The following C9orf85 variants were observed in gnomAD, a reference collection of about 807,000 sequenced individuals.
The protein encoded by C9orf85 is chromosome 9 open reading frame 85, also known as uncharacterized protein C9orf85.
C9orf85 carries 16 observed loss-of-function variants against 14.9 expected under a neutral mutation model. The observed-to-expected ratio is 1.08, with a 90% CI of 0.73 to 1.63. The LOEUF (loss-of-function observed/expected upper bound fraction) is 1.63. Ranked by LOEUF, C9orf85 falls within the 40% of genes most tolerant of loss-of-function variation. The probability of loss-of-function intolerance (pLI) is 0.00; values close to 1 mark genes in which losing one functional copy is unlikely to be tolerated. For synonymous variants in C9orf85, 45 were observed against 56.8 expected, an observed-to-expected ratio of 0.79 and a Z score of 0.93; for missense variants, 172 against 186.1, an observed-to-expected ratio of 0.92 and a Z score of 0.44.
At chr9:71,931,707 A>G (rs190971347) in intron 1 of C9orf85, among the ~76,000 whole-genome samples, 83 of 152,308 alleles carry the variant, frequency 5.4e-4, no homozygotes, top group South Asian at 8.3e-4. Context: ...TTGTAAGGAA[A>G]TGATTTAATT....
In C9orf85 at chr9:71,936,770, C is replaced by CT. The variant is rs71353543; in HGVS notation, c.103-10217dup. Among the ~76,000 whole-genome samples, 882 of 89,126 alleles carry CT rather than the reference C, an allele frequency of 9.9e-3. 20 individuals carry two copies. Among genetic ancestry groups the CT allele is most frequent in the African/African-American group, 0.032 (817 of 25,796 alleles). 58.5% of individuals were successfully genotyped at this position (89,126 alleles called of 152,430 possible). A position where few individuals can be genotyped will look rare whatever the true frequency, so the allele number is the denominator to read the frequency against. On this transcript the variant is annotated intron_variant, in intron 1 of 3. Coordinates refer to ENST00000334731, the MANE Select transcript of C9orf85 (RefSeq NM_182505.5). ...TTCATACTAGAGTTCTTTGTTCAAG[C>CT]TTTTTTTTTTTTTTTTTTTGAGACA...
At chr9:71,924,754 A>C (rs1589247648) in intron 1 of C9orf85, among the ~76,000 whole-genome samples, 1 of 152,228 alleles carries the variant, frequency 6.6e-6, no homozygotes. Context: ...TATATTTGAC[A>C]TCATGGTATA....
chr9:71,912,286 A>T (rs1373018716), intron 1 of C9orf85, among the ~76,000 whole-genome samples: 1 of 152,138 alleles, frequency 6.6e-6, no homozygotes, highest in Non-Finnish European at 1.5e-5. Flanking sequence ...TGTCCTCACT[A>T]GTATTGTGTG....
At chr9:71,942,830 G>A (rs892874720) in intron 1 of C9orf85, among the ~76,000 whole-genome samples, 2 of 151,718 alleles carry the variant, frequency 1.3e-5, no homozygotes, top group Non-Finnish European at 2.9e-5. Flanking sequence ...TTGAACCTGG[G>A]AGACAGAGGT....
At chr9:71,922,639 T>C (rs1484798922) in intron 1 of C9orf85, among the ~76,000 whole-genome samples, 3 of 152,252 alleles carry the variant, frequency 2.0e-5, no homozygotes, top group African/African-American at 7.2e-5. Flanking sequence ...AGATGTGTAC[T>C]AAACTCCTAG....
intron 1 of C9orf85, among the ~76,000 whole-genome samples, chr9:71,929,772 C>T (rs1589250358): frequency 2.0e-5 from 3 of 151,218 alleles, no homozygotes; most frequent in African/African-American, 7.3e-5. Flanking sequence ...TGTGCTCTTC[C>T]AAGTAGTATA....
At chr9:71,948,936 G>A (rs919041714) in intron 2 of C9orf85, among the ~76,000 whole-genome samples, 4 of 151,694 alleles carry the variant, frequency 2.6e-5, no homozygotes, top group Non-Finnish European at 5.9e-5. Flanking sequence ...ATGCTTAGTG[G>A]CCCAAATTAG....
intron 1 of C9orf85, among the ~76,000 whole-genome samples, chr9:71,943,692 G>A (rs910513336): frequency 1.4e-4 from 21 of 151,718 alleles, no homozygotes; most frequent in African/African-American, 4.3e-4. Flanking sequence ...ACAGGCATGC[G>A]CCAGCACCCC....
At chr9:71,954,114 GAAAAAA>G (rs566793068) in intron 2 of C9orf85, among the ~76,000 whole-genome samples, 3 of 130,116 alleles carry the variant, frequency 2.3e-5, no homozygotes, top group Non-Finnish European at 1.6e-5. Flanking sequence ...CCCCAGCTTG[GAAAAAA>G]AAAAAAAAAA....
chr9:71,921,546 A>G (rs557801944), intron 1 of C9orf85, among the ~76,000 whole-genome samples: 1 of 152,350 alleles, frequency 6.6e-6, no homozygotes, highest in South Asian at 2.1e-4. Context: ...CCTTACATAC[A>G]GTGATTTATG....
intron 1 of C9orf85, among the ~76,000 whole-genome samples, chr9:71,920,577 T>C (rs535149034): frequency 2.0e-5 from 3 of 152,274 alleles, no homozygotes; most frequent in Admixed American, 1.3e-4. Flanking sequence ...GTGGCATTTG[T>C]TATTTTAAGC....
At chr9:71,918,628 C>A (rs1827715418) in intron 1 of C9orf85, 1 of 343,252 alleles carries the variant, frequency 2.9e-6, no homozygotes, top group Admixed American at 4.2e-5. Context: ...GTTCTGCCTC[C>A]TGTCAGATCA....
intron 1 of C9orf85, among the ~76,000 whole-genome samples, chr9:71,914,703 T>G (rs1029940103): frequency 3.3e-5 from 5 of 152,226 alleles, no homozygotes; most frequent in African/African-American, 1.2e-4. Context: ...TTGTGCCATT[T>G]CAAATGGCCA....
At chr9:71,970,049 A>G (rs956596090) in intron 2 of C9orf85, among the ~76,000 whole-genome samples, 2 of 152,018 alleles carry the variant, frequency 1.3e-5, no homozygotes, top group Non-Finnish European at 1.5e-5. Context: ...GGTTCAAGCA[A>G]TTCTCCTGCC....
intron 2 of C9orf85, among the ~76,000 whole-genome samples, chr9:71,947,384 G>A (rs1360252407): frequency 6.6e-6 from 1 of 152,128 alleles, no homozygotes; most frequent in African/African-American, 2.4e-5. Context: ...GGTTAGGGCT[G>A]AGAAGAGAGT....
chr9:71,938,850 A>AC (rs1491490626), intron 1 of C9orf85, among the ~76,000 whole-genome samples: 4 of 151,716 alleles, frequency 2.6e-5, no homozygotes, highest in African/African-American at 9.7e-5. Flanking sequence ...TTAAACTGTC[A>AC]AAGAGTAGAT....
chr9:71,916,919 A>G (rs181857314), intron 1 of C9orf85, among the ~76,000 whole-genome samples: 23 of 152,344 alleles, frequency 1.5e-4, no homozygotes, highest in Admixed American at 1.1e-3. Flanking sequence ...GGCACTATGT[A>G]TACTTGCTAT....
intron 1 of C9orf85, chr9:71,942,024 C>A (rs904118577): frequency 1.6e-4 from 24 of 152,172 alleles, no homozygotes; most frequent in African/African-American, 5.1e-4. Flanking sequence ...TTTGACATTT[C>A]TCATAATAGA....
chr9:71,934,513 A>G (rs1288980104), intron 1 of C9orf85, among the ~76,000 whole-genome samples: 2 of 152,210 alleles, frequency 1.3e-5, no homozygotes, highest in African/African-American at 4.8e-5. Flanking sequence ...AACAGAGTAG[A>G]AAGGCAGCTC....
Sources: gnomAD v4.1 joint callset for allele counts (sites outside exome capture counted in the v4.1 genomes callset) on GRCh38, gnomAD v4.1.1 for gene constraint, MANE v1.5 for transcripts, NCBI Gene and HGNC (gene_info 2026-07-23, HGNC 2026-07-21) for gene names.